Variants in ALMS1 observed in about 807,000 individuals in gnomAD.
ALMS1 encodes the protein centrosome-associated protein ALMS1.
A neutral mutation model predicts 352.2 loss-of-function variants in ALMS1; 271 were observed. That is an observed-to-expected ratio of 0.77 (90% confidence interval 0.70 to 0.85). The LOEUF is 0.85. ALMS1 is among the 40% of genes least tolerant of loss of function. The pLI is 0.00. For synonymous variants in ALMS1, 1,865 were observed against 1,761.2 expected, an observed-to-expected ratio of 1.06 and a Z score of -1.48; for missense variants, 5,445 against 4,870.7, an observed-to-expected ratio of 1.12 and a Z score of -3.51.
intron 12 of ALMS1, among the ~76,000 whole-genome samples, chr2:73,544,496 C>CT (rs1674269406): frequency 6.6e-6 from 1 of 151,974 alleles, no homozygotes; most frequent in Admixed American, 6.6e-5. Flanking sequence ...CACATGTACC[C>CT]TAAAACTTAA....
At chr2:73,604,379 C>T (rs1187601134) in intron 21 of ALMS1, among the ~76,000 whole-genome samples, 1 of 152,124 alleles carries the variant, frequency 6.6e-6, no homozygotes, top group Non-Finnish European at 1.5e-5. Context: ...GCCTGGGTAA[C>T]AGACTGAAAC....
At chr2:73,483,649 A>G (rs990124444) in intron 9 of ALMS1, among the ~76,000 whole-genome samples, 2 of 151,474 alleles carry the variant, frequency 1.3e-5, no homozygotes, top group South Asian at 4.2e-4. Context: ...TGTCTCGTTG[A>G]TCTGTCTAAT....
chr2:73,452,769 C>T lies in ALMS1; in HGVS notation c.6242C>T (p.Thr2081Ile). 6.2e-7 allele frequency: 1 copy of T among 1,613,412 alleles called. No individual in the cohort carries two copies. The highest frequency in any genetic ancestry group is 8.5e-7 in the Non-Finnish European group (1 of 1,179,872). ...AAGATTTCAGCTGTCCCTGAACTAA[C>T]TGATGTGAATACTGGAAAACCAGTA... ...ILKISAVPELTDVNTGKPVSL... is the reference protein window; with the variant it reads ...ILKISAVPELIDVNTGKPVSL... Residue 2081 changes from threonine (T) to isoleucine (I), a missense_variant, in exon 8 of 23, where the codon ACT becomes ATT. Thr to Ile is a moderately conservative substitution (Grantham distance 89). Coordinates refer to ENST00000613296, the MANE Select transcript of ALMS1 (RefSeq NM_001378454.1).
At chr2:73,600,478 C>G (rs763660632) in intron 17 of ALMS1, among the ~76,000 whole-genome samples, 200 bp from the exon 18 acceptor site, 11 of 152,184 alleles carry the variant, frequency 7.2e-5, no homozygotes, top group Middle Eastern at 3.4e-3. Context: ...CAAATAAAAC[C>G]CTTTCTTTTT....
intron 9 of ALMS1, among the ~76,000 whole-genome samples, chr2:73,464,014 G>T (rs546529515): frequency 6.6e-6 from 1 of 152,194 alleles, no homozygotes; most frequent in Admixed American, 6.5e-5. Flanking sequence ...TCTACCAGAG[G>T]TACAAAGAGG....
chr2:73,400,189 G>A (rs1028156052), intron 1 of ALMS1, among the ~76,000 whole-genome samples: 1 of 152,062 alleles, frequency 6.6e-6, no homozygotes, highest in African/African-American at 2.4e-5. Context: ...CAAGTGATCT[G>A]CTCACCTTGG....
chr2:73,399,802 G>A (rs1400566354), intron 1 of ALMS1, among the ~76,000 whole-genome samples: 2 of 152,048 alleles, frequency 1.3e-5, no homozygotes, highest in Non-Finnish European at 2.9e-5. Context: ...TCTATGTCAA[G>A]TTGAGAATAT....
chr2:73,527,132 A>G (rs1452890305), intron 11 of ALMS1, among the ~76,000 whole-genome samples: 4 of 152,074 alleles, frequency 2.6e-5, no homozygotes, highest in African/African-American at 9.7e-5. Flanking sequence ...CTTGGTCATG[A>G]TGAATGATCT....
At chr2:73,566,657 C>T (rs191088556) in intron 15 of ALMS1, among the ~76,000 whole-genome samples, 4 of 152,202 alleles carry the variant, frequency 2.6e-5, no homozygotes, top group African/African-American at 9.7e-5. Flanking sequence ...TTTCCCCTCA[C>T]GTTAAGCAGT....
intron 11 of ALMS1, among the ~76,000 whole-genome samples, chr2:73,533,623 A>G (rs981185849): frequency 2.6e-5 from 4 of 152,206 alleles, no homozygotes; most frequent in African/African-American, 9.7e-5. Flanking sequence ...TTGGAAGTGT[A>G]TATAGATGTA....
At chr2:73,541,829 A>C (rs1243310866) in intron 12 of ALMS1, among the ~76,000 whole-genome samples, 2 of 152,248 alleles carry the variant, frequency 1.3e-5, no homozygotes, top group Non-Finnish European at 2.9e-5. Context: ...AAGAAGTTGA[A>C]TCTCTGAATA....
At chr2:73,480,017 T>G (rs1206851229) in intron 9 of ALMS1, among the ~76,000 whole-genome samples, 2 of 152,100 alleles carry the variant, frequency 1.3e-5, no homozygotes, top group African/African-American at 4.8e-5. Context: ...CTCTTTCTCC[T>G]GTTAAGTGAA....
intron 9 of ALMS1, among the ~76,000 whole-genome samples, chr2:73,457,598 C>T (rs1224490880): frequency 6.6e-6 from 1 of 151,890 alleles, no homozygotes; most frequent in Non-Finnish European, 1.5e-5. Context: ...AGTGTTCAAG[C>T]CTATTGGAAT....
At chr2:73,424,298 G>A (rs1045694974) in intron 4 of ALMS1, 132 bp from the exon 5 acceptor site, 1 of 610,114 alleles carries the variant, frequency 1.6e-6, no homozygotes, top group African/African-American at 1.9e-5. Flanking sequence ...TCTGAAATTA[G>A]GAGAGCTGTG....
chr2:73,607,157 C>CT (rs879573173), intron 21 of ALMS1, among the ~76,000 whole-genome samples: 32 of 152,184 alleles, frequency 2.1e-4, no homozygotes, highest in Non-Finnish European at 3.4e-4. Context: ...ATAACACACA[C>CT]TTTTTTCCCT....
intron 19 of ALMS1, among the ~76,000 whole-genome samples, 190 bp from the exon 20 acceptor site, chr2:73,601,995 C>T (rs1252651978): frequency 2.0e-5 from 3 of 152,184 alleles, no homozygotes; most frequent in African/African-American, 7.2e-5. Flanking sequence ...TCTTTGATCC[C>T]TGCGGTTTCC....
intron 9 of ALMS1, among the ~76,000 whole-genome samples, chr2:73,466,410 C>T: frequency 6.8e-6 from 1 of 147,430 alleles, no homozygotes. Context: ...CACATGTTCT[C>T]ACTCATAGGT....
At chr2:73,485,334 G>A (rs981563099) in intron 9 of ALMS1, among the ~76,000 whole-genome samples, 20 of 152,194 alleles carry the variant, frequency 1.3e-4, no homozygotes, top group Admixed American at 5.2e-4. Flanking sequence ...ATACCCTGCC[G>A]TGTGAGGTGT....
chr2:73,451,144 A>G lies in ALMS1; in HGVS notation c.4617A>G (p.Leu1539=), dbSNP rs1558649564. 3 of 1,613,906 alleles carry G rather than the reference A, an allele frequency of 1.9e-6. No homozygotes were observed. The highest frequency in any genetic ancestry group is 2.5e-6 in the Non-Finnish European group (3 of 1,179,956). ...KSGSFYQLAL[L]GSQIPEEALR... is the part of the protein sequence containing the mutation. ...GCAGTTTCTACCAACTGGCATTGCT[A>G]GGTAGTCAAATACCTGAAGAGGCTC... is the stretch of plus-strand genomic sequence containing the variant. The change falls in exon 8 of 23, where the codon CTA becomes CTG. Residue 1539 remains leucine (L), a synonymous_variant. Transcript: ENST00000613296.
Sources: allele counts gnomAD v4.1 joint callset (sites outside exome capture counted in the v4.1 genomes callset), GRCh38; gene constraint gnomAD v4.1.1; transcripts MANE v1.5; gene names NCBI Gene and HGNC (gene_info 2026-07-23, HGNC 2026-07-21).